The following SPON1 variants were observed in gnomAD, a reference collection of about 807,000 sequenced individuals.
SPON1 encodes spondin-1.
A neutral mutation model predicts 111.7 loss-of-function variants in SPON1; 52 were observed. The ratio of observed to expected loss-of-function variants is 0.47; its 90% CI spans 0.37 to 0.59. The LOEUF is 0.59. SPON1 is among the 20% of genes least tolerant of loss of function. The pLI is 0.00. For synonymous variants in SPON1, 410 were observed against 395.8 expected (o/e 1.04, Z -0.43); for missense variants, 957 against 1,068.5 (o/e 0.90, Z 1.46).
At chr11:13,969,352 C>G (rs1305808718) in intron 1 of SPON1, among the ~76,000 whole-genome samples, 1 of 152,020 alleles carries the variant, frequency 6.6e-6, no homozygotes, top group African/African-American at 2.4e-5. Context: ...TGCCAGTGCA[C>G]CCAGCCTGGG....
intron 6 of SPON1, among the ~76,000 whole-genome samples, chr11:14,229,971 TG>T (rs1848780411): frequency 1.3e-5 from 2 of 151,788 alleles, no homozygotes; most frequent in African/African-American, 4.8e-5. Flanking sequence ...TGTGTGTGTG[TG>T]TGTGTGTGTG....
chr11:14,179,796 T>TA (rs576906977), intron 6 of SPON1, among the ~76,000 whole-genome samples: 1,532 of 148,566 alleles, frequency 0.01, 9 homozygotes, highest in African/African-American at 0.024. Context: ...CAGTAGCACT[T>TA]AAAAAAAAAA....
chr11:14,233,556 A>G (rs1368625129), intron 6 of SPON1, among the ~76,000 whole-genome samples: 1 of 152,160 alleles, frequency 6.6e-6, no homozygotes, highest in African/African-American at 2.4e-5. Context: ...GCTTATTATT[A>G]ACTAATTGTT....
chr11:14,010,901 C>T (rs1554913661), intron 2 of SPON1, among the ~76,000 whole-genome samples: 1 of 152,168 alleles, frequency 6.6e-6, no homozygotes, highest in Admixed American at 6.5e-5. Flanking sequence ...TGAAATTGGC[C>T]TCCAGCCAGA....
intron 7 of SPON1, among the ~76,000 whole-genome samples, chr11:14,254,148 A>C (rs554482853): frequency 6.6e-6 from 1 of 152,342 alleles, no homozygotes; most frequent in East Asian, 1.9e-4. Context: ...TAGAAACAGG[A>C]AGCTGGGGGA....
At chr11:14,086,181 T>A (rs974319405) in intron 5 of SPON1, among the ~76,000 whole-genome samples, 2 of 152,174 alleles carry the variant, frequency 1.3e-5, no homozygotes, top group Non-Finnish European at 2.9e-5. Context: ...TCCAATAGTA[T>A]GTTAAATGGG....
intron 6 of SPON1, among the ~76,000 whole-genome samples, chr11:14,225,168 G>A (rs951815436): frequency 6.6e-5 from 10 of 152,016 alleles, no homozygotes; most frequent in South Asian, 2.1e-4. Context: ...AAGCTGCTTC[G>A]TTGAGTCCAT....
At chr11:14,202,986 C>G (rs1464040812) in intron 6 of SPON1, among the ~76,000 whole-genome samples, 1 of 152,046 alleles carries the variant, frequency 6.6e-6, no homozygotes. Context: ...ATTCACCACG[C>G]CAAAAAGATA....
At chr11:14,091,318 C>T (rs926649043) in intron 5 of SPON1, among the ~76,000 whole-genome samples, 7 of 152,208 alleles carry the variant, frequency 4.6e-5, no homozygotes, top group Admixed American at 2.0e-4. Flanking sequence ...AGTCCCGTGC[C>T]GAGCGCTGGC....
rs183271960 is a variant in SPON1, at chr11:14,094,987, G to A, written c.676+14966G>A. ...GTAGATTCTGTCATGAACTGGATGC[G>A]GAGGAGTAAGAGAGAGAAACATCAT... is the stretch of plus-strand genomic sequence containing the variant. On this transcript the variant is annotated intron_variant, in intron 5 of 15. Transcript: ENST00000576479. Among the ~76,000 whole-genome samples, 12 of 152,314 alleles carry A rather than the reference G, an allele frequency of 7.9e-5. No homozygotes were observed. The East Asian group carries it at 1.7e-3, about 22-fold the overall frequency.
At chr11:14,009,542 C>T (rs950869134) in intron 2 of SPON1, among the ~76,000 whole-genome samples, 8 of 152,288 alleles carry the variant, frequency 5.3e-5, no homozygotes, top group East Asian at 1.9e-4. Context: ...GTTATGTTCT[C>T]GTTGCACATA....
intron 5 of SPON1, among the ~76,000 whole-genome samples, chr11:14,080,235 C>T (rs1591369997): frequency 6.8e-6 from 1 of 147,128 alleles, no homozygotes; most frequent in Non-Finnish European, 1.5e-5. Flanking sequence ...TATTTTTTTT[C>T]TTTTTTTTTT....
intron 6 of SPON1, among the ~76,000 whole-genome samples, chr11:14,164,693 A>T (rs1554931714): frequency 6.6e-6 from 1 of 152,180 alleles, no homozygotes. Flanking sequence ...ATTTATGCAG[A>T]GTTGGCCATG....
chr11:14,176,893 G>A (rs782027398), intron 6 of SPON1, among the ~76,000 whole-genome samples: 9 of 152,100 alleles, frequency 5.9e-5, no homozygotes, highest in East Asian at 1.9e-4. Flanking sequence ...CGCCTTGCCC[G>A]CTGCCTAGAC....
intron 6 of SPON1, among the ~76,000 whole-genome samples, chr11:14,173,929 G>A (rs1031462280): frequency 4.6e-5 from 7 of 152,266 alleles, no homozygotes; most frequent in South Asian, 2.1e-4. Flanking sequence ...TAGGCTACTC[G>A]GGTGTCAGGG....
intron 2 of SPON1, among the ~76,000 whole-genome samples, chr11:14,020,289 G>C (rs1848471250): frequency 6.6e-6 from 1 of 152,186 alleles, no homozygotes; most frequent in African/African-American, 2.4e-5. Context: ...GCACCCCAAA[G>C]GGAAGAGCTG....
At chr11:14,064,682 A>G (rs1211223276) in intron 3 of SPON1, among the ~76,000 whole-genome samples, 1 of 152,130 alleles carries the variant, frequency 6.6e-6, no homozygotes, top group East Asian at 1.9e-4. Flanking sequence ...GATAATTAGG[A>G]TGTGGTGCCA....
intron 6 of SPON1, among the ~76,000 whole-genome samples, chr11:14,156,784 T>G (rs928247044): frequency 1.3e-5 from 2 of 152,262 alleles, no homozygotes; most frequent in Non-Finnish European, 2.9e-5. Flanking sequence ...TTGTCAGGTT[T>G]GTCAAAGATC....
intron 6 of SPON1, among the ~76,000 whole-genome samples, chr11:14,227,978 C>G (rs1437467246): frequency 2.0e-5 from 3 of 152,158 alleles, no homozygotes; most frequent in Non-Finnish European, 4.4e-5. Flanking sequence ...CAGATATGAA[C>G]TCCTTATGCT....
Sources: allele counts gnomAD v4.1 joint callset (sites outside exome capture counted in the v4.1 genomes callset), GRCh38; gene constraint gnomAD v4.1.1; transcripts MANE v1.5; gene names NCBI Gene and HGNC (gene_info 2026-07-23, HGNC 2026-07-21).